Variants in LTBR observed in about 807,000 individuals in gnomAD.
LTBR encodes the protein lymphotoxin beta receptor.
Under a neutral mutation model 45.4 loss-of-function variants are expected in LTBR, and 15 were observed. The ratio of observed to expected loss-of-function variants is 0.33; its 90% CI spans 0.22 to 0.51. The LOEUF is 0.51. Ranked by LOEUF, LTBR falls within the 20% of genes least tolerant of loss-of-function variation. The probability of loss-of-function intolerance (pLI) is 0.97; values close to 1 mark genes in which losing one functional copy is unlikely to be tolerated. For synonymous variants in LTBR, 228 were observed against 231.0 expected, an observed-to-expected ratio of 0.99 and a Z score of 0.12; for missense variants, 450 against 565.5, an observed-to-expected ratio of 0.80 and a Z score of 2.07.
Position 6,384,247 on chromosome 12 carries a change from C to A in LTBR, c.-112C>A. 7.1e-7 allele frequency: 1 copy of A among 1,403,620 alleles called. No individual in the cohort carries two copies. The highest frequency in any genetic ancestry group is 1.6e-5 in the South Asian group (1 of 62,822). The allele number at this position is 1,403,620 out of a possible 1,614,324, so 86.9% of individuals were successfully genotyped here. On this transcript the variant is annotated 5_prime_UTR_variant, in exon 1 of 10. Transcript: ENST00000228918. ...CCTGGGGTGCACATCGGCCCTGAGT[C>A]CCGTCCCAGGCTCTGGGCTCGGGCA...
chr12:6,375,203 CCTCT>C (rs941944009), upstream of LTBR: 5 of 1,446,168 alleles, frequency 3.5e-6, no homozygotes, highest in Non-Finnish European at 4.5e-6. Flanking sequence ...CCTCTCACTC[CCTCT>C]CTATCTGCCT....
At chr12:6,381,241 C>G (rs2136923771), upstream of LTBR, among the ~76,000 whole-genome samples, 1 of 152,222 alleles carries the variant, frequency 6.6e-6, no homozygotes, top group South Asian at 2.1e-4. Flanking sequence ...CATCAAAGAC[C>G]AAGAAGCCTC....
In LTBR at chr12:6,386,611, AC is replaced by A; in HGVS notation, c.667+168del. The A allele has an allele frequency of 1.7e-6, 1 of 585,240 alleles. No homozygotes were observed. Among genetic ancestry groups the A allele is most frequent in the Admixed American group, 3.0e-5 (1 of 32,824 alleles). 36.3% of individuals were successfully genotyped at this position (585,240 alleles called of 1,614,324 possible). A position where few individuals can be genotyped will look rare whatever the true frequency, so the allele number is the denominator to read the frequency against. ...AGTATCTCTAGGCTAGTTTACACAC[AC>A]ACACACACACACACACACACACACT... On this transcript the variant is annotated intron_variant, in intron 6 of 9. Coordinates refer to ENST00000228918, the MANE Select transcript of LTBR (RefSeq NM_002342.3). This position sits in a 1 kb window ranked among gnomAD's most constrained non-coding sequence, Gnocchi z 4.1.
upstream of LTBR, among the ~76,000 whole-genome samples, chr12:6,383,328 G>A (rs1032976070): frequency 4.6e-5 from 7 of 152,166 alleles, no homozygotes; most frequent in South Asian, 2.1e-4. Context: ...GGGCAGGAAC[G>A]AGACCAGGCC....
chr12:6,388,653 C>T lies in LTBR; in HGVS notation c.776-147C>T, dbSNP rs898624414. On this transcript the variant is annotated intron_variant, in intron 7 of 9. Transcript: ENST00000228918. This position sits in a 1 kb window ranked among gnomAD's most constrained non-coding sequence, Gnocchi z 4.3. The stretch of plus-strand genomic sequence containing the variant: ...CCTTATCTTCATCCAGCTGCTTATT[C>T]TGAGGCTGGAGATGAGAGTGACAGT... The T allele has an allele frequency of 2.1e-5, 24 of 1,142,508 alleles. No individual in the cohort carries two copies. The African/African-American group carries it at 3.5e-4, about 17-fold the overall frequency. The allele number at this position is 1,142,508 out of a possible 1,614,324, so 70.8% of individuals were successfully genotyped here.
chr12:6,389,365 C>G (rs1430232423), intron 8 of LTBR: 1 of 157,688 alleles, frequency 6.3e-6, no homozygotes, highest in East Asian at 1.9e-4. Context: ...GATGAGCCAG[C>G]CTGGGCAACA....
chr12:6,384,058 C>A (rs1390861610), upstream of LTBR: 1 of 1,212,440 alleles, frequency 8.2e-7, no homozygotes. Flanking sequence ...CCTCCCGCCC[C>A]GCATCGAGGC....
chr12:6,384,718 G>C, intron 2 of LTBR, 34 bp downstream of exon 2: 4 of 1,596,672 alleles, frequency 2.5e-6, no homozygotes, highest in Non-Finnish European at 3.4e-6. Flanking sequence ...CCTGGGCCTC[G>C]GAAGTGGGTC....
At chr12:6,384,842 G>A (rs1218653821) in intron 2 of LTBR, among the ~76,000 whole-genome samples, 158 bp downstream of exon 2, 1 of 152,192 alleles carries the variant, frequency 6.6e-6, no homozygotes, top group African/African-American at 2.4e-5. Context: ...GAGGAGATGG[G>A]ACTGGCCCTC....
chr12:6,377,220 A>G (rs7978675), intron 1 of LTBR: 3 of 1,539,714 alleles, frequency 1.9e-6, no homozygotes, highest in Admixed American at 4.0e-5. Context: ...GCCGGTGTCA[A>G]CCAGGATTCC....
chr12:6,384,468 C>A lies in LTBR; in HGVS notation c.96+14C>A. The A allele has an allele frequency of 6.4e-7, 1 of 1,565,618 alleles. No individual in the cohort carries two copies. Among genetic ancestry groups the A allele is most frequent in the Non-Finnish European group, 8.6e-7 (1 of 1,156,318 alleles). ...CAGCCCCAGGCGGTGAGGAAGGGGCCTGGTAGGAGTGGGCGAGGGTGGGCA... is the reference window on the plus strand; with the variant it reads ...CAGCCCCAGGCGGTGAGGAAGGGGCATGGTAGGAGTGGGCGAGGGTGGGCA... On this transcript the variant is annotated intron_variant, in intron 1 of 9. Transcript: ENST00000228918.
At chr12:6,384,156 C>T (rs1047264836), upstream of LTBR, 25 of 1,276,120 alleles carry the variant, frequency 2.0e-5, no homozygotes, top group Non-Finnish European at 2.5e-5. Context: ...GCGGCCAGCT[C>T]GCTCCACTCC....
At chr12:6,384,945 C>A (rs1949021664) in intron 2 of LTBR, 77 bp from the exon 3 acceptor site, 7 of 1,580,246 alleles carry the variant, frequency 4.4e-6, no homozygotes, top group Non-Finnish European at 6.1e-6. Context: ...AGGGAAAGGC[C>A]AGGGTCACAC....
exon 1 of LTBR, chr12:6,375,489 C>T (rs1284218060): frequency 4.6e-6 from 7 of 1,535,622 alleles, no homozygotes; most frequent in South Asian, 3.6e-5. Context: ...GCAGCCAAAC[C>T]TCTCCTCCCC....
At chr12:6,381,793 C>T (rs1030569115), upstream of LTBR, among the ~76,000 whole-genome samples, 4 of 152,040 alleles carry the variant, frequency 2.6e-5, no homozygotes, top group South Asian at 2.1e-4. Context: ...GTCAACATGG[C>T]GAAACCCCAT....
rs1207863076 is a variant in LTBR at position 6,386,917 on chromosome 12, C to G, written c.667+473C>G. ...ATTGTTTCTAATGACTGTAACATCA[C>G]TAATTGGCAGAAGGTTCACTGTGTG... is the stretch of plus-strand genomic sequence containing the variant. On this transcript the variant is annotated intron_variant, in intron 6 of 9. Transcript: ENST00000228918. This position sits in a 1 kb window ranked among gnomAD's most constrained non-coding sequence, Gnocchi z 4.1. The G allele has an allele frequency of 6.5e-6, 1 of 153,730 alleles. No individual in the cohort carries two copies. The highest frequency in any genetic ancestry group is 2.4e-5 in the African/African-American group (1 of 41,466). The allele number at this position is 153,730 out of a possible 1,614,324, so 9.5% of individuals were successfully genotyped here.
upstream of LTBR, among the ~76,000 whole-genome samples, chr12:6,381,159 G>A (rs1245308059): frequency 2.0e-5 from 3 of 152,178 alleles, no homozygotes; most frequent in African/African-American, 7.2e-5. Flanking sequence ...GACAATGGGA[G>A]GCAGCTCAGA....
At chr12:6,383,978 C>G (rs773513496), upstream of LTBR, 6 of 1,093,742 alleles carry the variant, frequency 5.5e-6, no homozygotes, top group African/African-American at 1.6e-5. Flanking sequence ...TCCGCTCTCC[C>G]GATCGGGCTT....
chr12:6,384,648 C>T lies in LTBR; in HGVS notation c.157C>T (p.Pro53Ser). ...CRDQEKEYYE[P>S]QHRICCSRCP... The stretch of plus-strand genomic sequence containing the variant: ...GGACCAGGAAAAGGAATACTATGAG[C>T]CCCAGCACCGCATCTGCTGCTCCCG... The change falls in exon 2 of 10, where the codon CCC (proline) becomes TCC (serine). Residue 53 changes from proline (P) to serine (S), a missense_variant. Physicochemically the swap from Pro to Ser is moderately conservative, Grantham distance 74. Coordinates refer to ENST00000228918, the MANE Select transcript of LTBR (RefSeq NM_002342.3). 6.2e-7 allele frequency: 1 copy of T among 1,614,204 alleles called. No individual in the cohort carries two copies. Among genetic ancestry groups the T allele is most frequent in the Middle Eastern group, 1.6e-4 (1 of 6,062 alleles).
Sources: allele counts gnomAD v4.1 joint callset (sites outside exome capture counted in the v4.1 genomes callset), GRCh38; gene constraint gnomAD v4.1.1; non-coding constraint Gnocchi (gnomAD v3.1); transcripts MANE v1.5; gene names NCBI Gene and HGNC (gene_info 2026-07-23, HGNC 2026-07-21).